Variants in CRHBP observed in about 807,000 individuals in gnomAD.
CRHBP encodes the protein corticotropin releasing hormone binding protein.
A neutral mutation model predicts 34.9 loss-of-function variants in CRHBP; 19 were observed. That is an observed-to-expected ratio of 0.55 (90% CI 0.38 to 0.80). The LOEUF is 0.80. Among genes scored for constraint, CRHBP ranks in the 30% least tolerant of loss-of-function variants. The probability of loss-of-function intolerance (pLI) is 0.00; values close to 1 mark genes in which losing one functional copy is unlikely to be tolerated. For synonymous variants in CRHBP, 154 were observed against 153.4 expected, an observed-to-expected ratio of 1.00 and a Z score of -0.03; for missense variants, 328 against 409.2, an observed-to-expected ratio of 0.80 and a Z score of 1.71.
chr5:76,974,610 T>A (rs759090590), intron 2 of CRHBP, among the ~76,000 whole-genome samples: 2 of 152,126 alleles, frequency 1.3e-5, no homozygotes, highest in Non-Finnish European at 2.9e-5. Context: ...AAATGCCTAT[T>A]GTAGGGTAGT....
Position 76,969,315 on chromosome 5 carries a change from T to C in CRHBP, c.*430T>C, listed in dbSNP as rs1479958076. 6.5e-6 allele frequency: 1 copy of C among 154,108 alleles called. No individual in the cohort carries two copies. The highest frequency in any genetic ancestry group is 1.4e-5 in the Non-Finnish European group (1 of 69,052). 9.5% of individuals were successfully genotyped at this position (154,108 alleles called of 1,614,324 possible). A position where few individuals can be genotyped will look rare whatever the true frequency, so the allele number is the denominator to read the frequency against. ...TTGTGTATAGCAAAGTAGTTGCATC[T>C]GTTTATTTTCTATTTATTATTGTTA... On this transcript the variant is annotated 3_prime_UTR_variant, in exon 7 of 7. Coordinates refer to ENST00000274368, the MANE Select transcript of CRHBP (RefSeq NM_001882.4).
At chr5:76,968,611 C>T in intron 6 of CRHBP, 117 bp from the exon 7 acceptor site, 3 of 964,618 alleles carry the variant, frequency 3.1e-6, no homozygotes, top group South Asian at 3.8e-5. Context: ...GGTTTGGGTA[C>T]ATGAGAGGAA....
chr5:76,959,440 AAG>A (rs1490464826), intron 5 of CRHBP, among the ~76,000 whole-genome samples: 2 of 152,246 alleles, frequency 1.3e-5, no homozygotes, highest in African/African-American at 4.8e-5. Flanking sequence ...AATATTAGCC[AAG>A]AACCCCTATC....
At chr5:76,969,819 T>C (rs1479205586), downstream of CRHBP, among the ~76,000 whole-genome samples, 1 of 152,100 alleles carries the variant, frequency 6.6e-6, no homozygotes, top group Admixed American at 6.6e-5. Flanking sequence ...TCTTTGATAC[T>C]GAAGGCAGTT....
chr5:76,957,230 A>C (rs952910755), intron 4 of CRHBP, among the ~76,000 whole-genome samples: 1 of 152,180 alleles, frequency 6.6e-6, no homozygotes, highest in Non-Finnish European at 1.5e-5. Context: ...ACCATCAAGG[A>C]ATTTCAGTCC....
At position 76,953,737 on chromosome 5, in the gene CRHBP, G is replaced by A. The variant is rs1375454378; in HGVS notation, c.175+43G>A. On this transcript the variant is annotated intron_variant, in intron 2 of 6. Coordinates refer to ENST00000274368, the MANE Select transcript of CRHBP (RefSeq NM_001882.4). ...GGCTCGCGGGCGCCCGGGACGCGGG[G>A]AAGGTGGGACTCTGTGCGGGGGGCA... 6.4e-6 allele frequency: 10 copies of A among 1,554,346 alleles called. No homozygotes were observed. The African/African-American group carries it at 1.1e-4, about 17-fold the overall frequency.
chr5:76,979,492 A>G (rs1746087106), intron 3 of CRHBP, among the ~76,000 whole-genome samples: 1 of 152,108 alleles, frequency 6.6e-6, no homozygotes, highest in South Asian at 2.1e-4. Flanking sequence ...CTGGGATTAC[A>G]GGCACGTGCC....
In CRHBP at chr5:76,966,300, G is replaced by C. The variant is rs187929723; in HGVS notation, c.812-2428G>C. 7.9e-5 allele frequency among the ~76,000 whole-genome samples: 12 copies of C among 152,328 alleles called. No homozygotes were observed. In the East Asian group the frequency reaches 1.2e-3, roughly 15 times the overall value. On this transcript the variant is annotated intron_variant, in intron 6 of 6. Coordinates refer to ENST00000274368, the MANE Select transcript of CRHBP (RefSeq NM_001882.4). ...CCCAAAGTGCTGGGATTACAGGTGT[G>C]AGCCACTGCTCCTTTTGAGGTTCCT...
intron 5 of CRHBP, among the ~76,000 whole-genome samples, chr5:76,960,509 C>T (rs756635343): frequency 2.0e-5 from 3 of 152,128 alleles, no homozygotes; most frequent in African/African-American, 2.4e-5. Flanking sequence ...CTGTCTAAAA[C>T]GTCACTGTGG....
At chr5:76,954,229 G>A (rs748509980) in intron 3 of CRHBP, 43 bp downstream of exon 3, 10 of 1,596,892 alleles carry the variant, frequency 6.3e-6, no homozygotes, top group Non-Finnish European at 6.8e-6. Context: ...AGGGCGGCAC[G>A]GGAGGGTTGG....
chr5:76,973,160 C>T (rs1745974434), downstream of CRHBP, among the ~76,000 whole-genome samples: 2 of 152,136 alleles, frequency 1.3e-5, no homozygotes, highest in Non-Finnish European at 2.9e-5. Context: ...ATATATATAG[C>T]ACTATTATCA....
intron 5 of CRHBP, chr5:76,963,111 T>C: frequency 2.1e-6 from 1 of 471,032 alleles, no homozygotes; most frequent in East Asian, 3.5e-5. Flanking sequence ...GAAAAAAACA[T>C]GTACACACAT....
In CRHBP at chr5:76,963,069, T is replaced by G. The variant is rs1745803320; in HGVS notation, c.694-274T>G. Among the ~76,000 whole-genome samples the G allele has an allele frequency of 1.3e-5, 2 of 152,240 alleles. 1 individual carries two copies. The highest frequency in any genetic ancestry group is 4.1e-4 in the South Asian group (2 of 4,832). On this transcript the variant is annotated intron_variant, in intron 5 of 6. Coordinates refer to ENST00000274368, the MANE Select transcript of CRHBP (RefSeq NM_001882.4). ...TATATGGAGTTTACAGATTTCCATT[T>G]TATCATTCCAGTCCTTGAGCTTAAA...
rs143455548 is a variant in CRHBP, at chr5:76,955,754, T to C, written c.435T>C (p.Leu145=). ...ACATAGATTTCTGTGAGAGTGGTCTTAGCAGGAGGAGCATCAGATCTTCCC... is the reference window on the plus strand; with the variant it reads ...ACATAGATTTCTGTGAGAGTGGTCTCAGCAGGAGGAGCATCAGATCTTCCC... ...ERYIDFCESG[L]SRRSIRSSQN... The change falls in exon 4 of 7, where the codon CTT becomes CTC. Residue 145 remains leucine, a synonymous_variant. Coordinates refer to ENST00000274368, the MANE Select transcript of CRHBP (RefSeq NM_001882.4). 1.8e-5 allele frequency: 29 copies of C among 1,614,134 alleles called. No homozygotes were observed. In the East Asian group the frequency reaches 5.8e-4, roughly 32 times the overall value.
chr5:76,973,584 A>G (rs1745979200), downstream of CRHBP, among the ~76,000 whole-genome samples: 2 of 152,216 alleles, frequency 1.3e-5, no homozygotes, highest in Non-Finnish European at 1.5e-5. Context: ...TCTCTTCAAT[A>G]TTAGTTTAAA....
At chr5:76,966,495 C>T (rs1442677998) in intron 6 of CRHBP, among the ~76,000 whole-genome samples, 1 of 152,176 alleles carries the variant, frequency 6.6e-6, no homozygotes, top group Non-Finnish European at 1.5e-5. Context: ...GGGAGACTAG[C>T]CTTTGATCCG....
chr5:76,954,328 G>T (rs1463907721), intron 3 of CRHBP, 142 bp downstream of exon 3: 6 of 1,045,250 alleles, frequency 5.7e-6, no homozygotes, highest in Non-Finnish European at 8.1e-6. Flanking sequence ...GCCCGAGTCG[G>T]AGAGGCGCGT....
At chr5:76,956,814 A>C (rs898377262) in intron 4 of CRHBP, among the ~76,000 whole-genome samples, 1 of 152,166 alleles carries the variant, frequency 6.6e-6, no homozygotes, top group Non-Finnish European at 1.5e-5. Context: ...AAAGGAACAC[A>C]TATCACTCAT....
chr5:76,958,381 A>C (rs766446151), intron 4 of CRHBP, among the ~76,000 whole-genome samples: 4 of 152,194 alleles, frequency 2.6e-5, no homozygotes, highest in Admixed American at 6.5e-5. Flanking sequence ...ATTTTTCCAG[A>C]TTCCTAGCTT....
Sources: allele counts gnomAD v4.1 joint callset (sites outside exome capture counted in the v4.1 genomes callset), GRCh38; gene constraint gnomAD v4.1.1; transcripts MANE v1.5; gene names NCBI Gene and HGNC (gene_info 2026-07-23, HGNC 2026-07-21).